Variants in CEP192 observed in about 807,000 individuals in gnomAD.
CEP192 encodes the protein centrosomal protein of 192 kDa.
In CEP192, 151 loss-of-function variants were observed where a neutral mutation model predicts 271.8. That is an observed-to-expected ratio of 0.56 (90% CI 0.49 to 0.64). The LOEUF (loss-of-function observed/expected upper bound fraction) is 0.64. Among genes scored for constraint, CEP192 ranks in the 30% least tolerant of loss-of-function variants. CEP192 has a pLI of 0.00. For missense variants in CEP192, 2,910 were observed against 3,020.5 expected (o/e 0.96, Z 0.86); for synonymous variants, 995 against 1,076.5 (o/e 0.92, Z 1.48).
chr18:13,114,545 T>C (rs2145085842), intron 42 of CEP192, among the ~76,000 whole-genome samples: 1 of 152,352 alleles, frequency 6.6e-6, no homozygotes, highest in Admixed American at 6.5e-5. Flanking sequence ...TTTTTAAAAA[T>C]CCATTCATGT....
At chr18:13,088,368 A>G (rs1318497979) in intron 32 of CEP192, among the ~76,000 whole-genome samples, 1 of 152,184 alleles carries the variant, frequency 6.6e-6, no homozygotes, top group Non-Finnish European at 1.5e-5. Context: ...GAAGATCACA[A>G]TCCCAGGAGT....
rs115165883 is a variant in CEP192 at position 13,059,174 on chromosome 18, A to C, written c.4350A>C (p.Pro1450=). 1.9e-5 allele frequency: 31 copies of C among 1,613,928 alleles called. No individual in the cohort carries two copies. In the African/African-American group the frequency reaches 2.9e-4, roughly 15 times the overall value. Residue 1450 remains proline, a synonymous_variant, in exon 21 of 45, where the codon CCA becomes CCC. Transcript: ENST00000506447. ...AAGAGATAAAAGTGCTTTTTATACCATCCAGTCCTGGGGTTTTCAGATGCA... is the reference window on the plus strand; with the variant it reads ...AAGAGATAAAAGTGCTTTTTATACCCTCCAGTCCTGGGGTTTTCAGATGCA... The part of the protein sequence containing the change: ...ATEEIKVLFI[P]SSPGVFRCTF...
At position 13,052,860 on chromosome 18, in the gene CEP192, C is replaced by A. The variant is rs556700755; in HGVS notation, c.3018-59C>A. ...GTAGGCCCATAGGAATGGTTTTTTGCTAATGTAGATAGTTGAAGGACTGGA... is the reference window on the plus strand; with the variant it reads ...GTAGGCCCATAGGAATGGTTTTTTGATAATGTAGATAGTTGAAGGACTGGA... On this transcript the variant is annotated intron_variant, in intron 17 of 44. Coordinates refer to ENST00000506447, the MANE Select transcript of CEP192 (RefSeq NM_032142.4). 2.6e-5 allele frequency: 35 copies of A among 1,336,664 alleles called. No homozygotes were observed. In the African/African-American group the frequency reaches 4.9e-4, roughly 19 times the overall value. The allele number at this position is 1,336,664 out of a possible 1,614,324, so 82.8% of individuals were successfully genotyped here.
intron 30 of CEP192, among the ~76,000 whole-genome samples, chr18:13,077,280 C>T (rs2038342145): frequency 6.6e-6 from 1 of 152,172 alleles, no homozygotes; most frequent in Non-Finnish European, 1.5e-5. Flanking sequence ...TCAAACTCCA[C>T]AATGCTCCAG....
rs150685028 is a variant in CEP192, at chr18:13,038,195, A to G, written c.1600-175A>G. On this transcript the variant is annotated intron_variant, in intron 12 of 44. Coordinates refer to ENST00000506447, the MANE Select transcript of CEP192 (RefSeq NM_032142.4). ...AAAAATACTCATTTTCCTTTTCTGG[A>G]CTTCATTAGCTGTGGTAGCTGATGA... Among the ~76,000 whole-genome samples, 25 of 152,186 alleles carry G rather than the reference A, an allele frequency of 1.6e-4. No homozygotes were observed. In the East Asian group the frequency reaches 4.6e-3, roughly 28 times the overall value.
At chr18:13,003,420 G>C (rs867637337) in intron 3 of CEP192, among the ~76,000 whole-genome samples, 1 of 140,818 alleles carries the variant, frequency 7.1e-6, no homozygotes, top group Non-Finnish European at 1.5e-5. Flanking sequence ...CTGCACTCCA[G>C]CCTGGGCAAC....
chr18:12,992,059 A>G (rs1274511567), intron 1 of CEP192, among the ~76,000 whole-genome samples: 1 of 152,048 alleles, frequency 6.6e-6, no homozygotes. Context: ...ATGTTAATAC[A>G]CTCTACTTTT....
Position 13,056,585 on chromosome 18 carries a change from A to G in CEP192, c.3995A>G (p.Tyr1332Cys). Residue 1332 changes from tyrosine (Y) to cysteine (C), a missense_variant, in exon 19 of 45, where the codon TAT becomes TGT. Tyr to Cys is a radical substitution (Grantham distance 194). Transcript: ENST00000506447. ...WMGTSSLCNP[Y>C]SNTLNQNLLS... is the part of the protein sequence containing the mutation. ...GGTACCTCTTCCCTCTGTAACCCAT[A>G]TTCTAATACCTTAAATCAGAACCTG... is the stretch of plus-strand genomic sequence containing the variant. 2 of 1,614,154 alleles carry G rather than the reference A, an allele frequency of 1.2e-6. No individual in the cohort carries two copies. The highest frequency in any genetic ancestry group is 1.1e-5 in the South Asian group (1 of 91,082).
rs564581120 is a variant in CEP192 at position 13,068,819 on chromosome 18, G to A, written c.4823-33G>A. 15 of 1,613,184 alleles carry A rather than the reference G, an allele frequency of 9.3e-6. No homozygotes were observed. In the African/African-American group the frequency reaches 1.9e-4, roughly 20 times the overall value. On this transcript the variant is annotated intron_variant, in intron 24 of 44. Coordinates refer to ENST00000506447, the MANE Select transcript of CEP192 (RefSeq NM_032142.4). ...GCATTTAGAATTAAATAACTCTCTG[G>A]TCTCCAAGCTAAAAGAATGAACTTT...
chr18:13,088,304 GT>G (rs2038988142), intron 32 of CEP192, among the ~76,000 whole-genome samples: 1 of 152,030 alleles, frequency 6.6e-6, no homozygotes, highest in Admixed American at 6.6e-5. Context: ...AGAAAATTTA[GT>G]TGGGTGTGAT....
rs78983857 is a variant in CEP192, at chr18:13,105,364, G to C, written c.7047+285G>C. ...GAGACGAGAGTTTTGTCTATCAGCT[G>C]TAGCCAGAAAAACCTGCCATTACTC... On this transcript the variant is annotated intron_variant, in intron 40 of 44. Transcript: ENST00000506447. Among the ~76,000 whole-genome samples, 10 of 152,324 alleles carry C rather than the reference G, an allele frequency of 6.6e-5. 1 individual carries two copies. In the East Asian group the frequency reaches 1.9e-3, roughly 29 times the overall value.
chr18:13,028,563 A>T (rs966485148), intron 9 of CEP192, among the ~76,000 whole-genome samples: 4 of 152,270 alleles, frequency 2.6e-5, no homozygotes, highest in Non-Finnish European at 5.9e-5. Context: ...CTTGTCCCCC[A>T]GGCTGGAGTG....
In CEP192 at chr18:13,073,115, T is replaced by C. The variant is rs2038100538; in HGVS notation, c.5546T>C (p.Leu1849Ser). 7 of 1,613,778 alleles carry C rather than the reference T, an allele frequency of 4.3e-6. No individual in the cohort carries two copies. The highest frequency in any genetic ancestry group is 5.9e-6 in the Non-Finnish European group (7 of 1,179,934). ...FISVLFAPTR[L>S]SCMLARLEIK... is the part of the protein sequence containing the mutation. ...TCTGTATTATTTGCACCTACTCGATTATCTTGCATGTTGGCTAGACTAGAA... is the reference window on the plus strand; with the variant it reads ...TCTGTATTATTTGCACCTACTCGATCATCTTGCATGTTGGCTAGACTAGAA... The change falls in exon 30 of 45, where the codon TTA (leucine) becomes TCA (serine). Residue 1849 changes from leucine (L) to serine (S), a missense_variant. Transcript: ENST00000506447.
chr18:13,013,458 A>G (rs565223194), intron 5 of CEP192, among the ~76,000 whole-genome samples: 36 of 152,314 alleles, frequency 2.4e-4, no homozygotes, highest in Middle Eastern at 3.4e-3. Flanking sequence ...TGGCAACACA[A>G]GCCTATACTC....
intron 39 of CEP192, 64 bp from the exon 40 acceptor site, chr18:13,104,911 AGGTAATAGT>A: frequency 1.8e-6 from 2 of 1,089,812 alleles, no homozygotes; most frequent in Non-Finnish European, 2.8e-6. Context: ...GCAGCCATAG[AGGTAATAGT>A]GTCTCTGTGG....
chr18:12,995,092 C>T (rs371234988), intron 1 of CEP192, among the ~76,000 whole-genome samples: 116 of 133,812 alleles, frequency 8.7e-4, no homozygotes, highest in African/African-American at 3.0e-3. Flanking sequence ...GACGGAGTCT[C>T]GCTCTGTCGC....
intron 30 of CEP192, among the ~76,000 whole-genome samples, chr18:13,076,899 T>C (rs1411704498): frequency 6.6e-6 from 1 of 152,136 alleles, no homozygotes; most frequent in Non-Finnish European, 1.5e-5. Flanking sequence ...TTCTCCTGCC[T>C]CAGCGTCTCG....
In CEP192 at chr18:13,066,963, C is replaced by CTGTGTGTGTGTGTGTGTG. The variant is rs56795701; in HGVS notation, c.4489-849_4489-832dup. Among the ~76,000 whole-genome samples, 13 of 143,512 alleles carry CTGTGTGTGTGTGTGTGTG rather than the reference C, an allele frequency of 9.1e-5. No homozygotes were observed. In the East Asian group the frequency reaches 1.2e-3, roughly 14 times the overall value. The allele number at this position is 143,512 out of a possible 152,430, so 94.1% of individuals were successfully genotyped here. A position where few individuals can be genotyped will look rare whatever the true frequency, so the allele number is the denominator to read the frequency against. On this transcript the variant is annotated intron_variant, in intron 21 of 44. Coordinates refer to ENST00000506447, the MANE Select transcript of CEP192 (RefSeq NM_032142.4). The stretch of plus-strand genomic sequence containing the variant: ...AGAGCAAAACAAAATGTGAGCACGT[C>CTGTGTGTGTGTGTGTGTG]TGTGTGTGTGTGTGTGTGTGTGTGT...
At chr18:13,122,953 T>TCTTTCTAAA (rs2040741997) in intron 44 of CEP192, among the ~76,000 whole-genome samples, 1 of 152,038 alleles carries the variant, frequency 6.6e-6, no homozygotes, top group Non-Finnish European at 1.5e-5. Context: ...TATTAAATGT[T>TCTTTCTAAA]GTGGTTCTTT....
Sources: allele counts gnomAD v4.1 joint callset (sites outside exome capture counted in the v4.1 genomes callset), GRCh38; gene constraint gnomAD v4.1.1; transcripts MANE v1.5; gene names NCBI Gene and HGNC (gene_info 2026-07-23, HGNC 2026-07-21).